RAB11B: variants seen among roughly 807,000 people sequenced by gnomAD.
RAB11B encodes the protein ras-related protein Rab-11B.
Under a neutral mutation model 23.7 loss-of-function variants are expected in RAB11B, and 7 were observed. The ratio of observed to expected loss-of-function variants is 0.29; its 90% CI spans 0.17 to 0.55. The LOEUF is 0.55. Ranked by LOEUF, RAB11B falls within the 20% of genes least tolerant of loss-of-function variation. The pLI is 0.93. For synonymous variants in RAB11B, 138 were observed against 132.0 expected, an observed-to-expected ratio of 1.05 and a Z score of -0.31; for missense variants, 189 against 320.0, an observed-to-expected ratio of 0.59 and a Z score of 3.12.
At chr19:8,397,055 A>G (rs1460493859) in intron 1 of RAB11B, among the ~76,000 whole-genome samples, 2 of 152,198 alleles carry the variant, frequency 1.3e-5, no homozygotes, top group Non-Finnish European at 2.9e-5. Flanking sequence ...AGAGAAAGGA[A>G]GGAGTCGAGA....
rs566019031 is a variant in RAB11B, at chr19:8,403,685, C to T, written c.*127C>T. On this transcript the variant is annotated 3_prime_UTR_variant, in exon 5 of 5. Coordinates refer to ENST00000328024, the MANE Select transcript of RAB11B (RefSeq NM_004218.4). ...GCCCTCCCAGTGAGCTCTGCACGGC[C>T]GGGCCGGGGCCCAGGAAGGACAGGA... 7.8e-4 allele frequency: 1,046 copies of T among 1,334,034 alleles called. 10 individuals are homozygous for T. In the South Asian group the frequency reaches 0.013, roughly 16 times the overall value. 82.6% of individuals were successfully genotyped at this position (1,334,034 alleles called of 1,614,324 possible). A position where few individuals can be genotyped will look rare whatever the true frequency, so the allele number is the denominator to read the frequency against.
intron 4 of RAB11B, 109 bp downstream of exon 4, chr19:8,402,674 G>C (rs200602597): frequency 1.6e-5 from 13 of 789,696 alleles, no homozygotes; most frequent in Non-Finnish European, 1.9e-5. Flanking sequence ...TCTTTTTTTT[G>C]TCGGGGCAGG....
intron 1 of RAB11B, among the ~76,000 whole-genome samples, chr19:8,391,276 G>A (rs985006447): frequency 6.6e-6 from 1 of 152,202 alleles, no homozygotes; most frequent in African/African-American, 2.4e-5. Context: ...GAACCCGATT[G>A]AGCCCAGGCC....
chr19:8,397,905 A>G (rs989744682), intron 1 of RAB11B, among the ~76,000 whole-genome samples: 2 of 152,020 alleles, frequency 1.3e-5, no homozygotes, highest in Admixed American at 6.5e-5. Context: ...ACTCCCTGGG[A>G]CCAGGGATGA....
rs1190502863 is a variant in RAB11B, at chr19:8,403,721, CCCCGTCCTG to C, written c.*168_*176del. 30 of 983,772 alleles carry C rather than the reference CCCCGTCCTG, an allele frequency of 3.0e-5. No individual in the cohort carries two copies. The African/African-American group carries it at 4.6e-4, about 15-fold the overall frequency. 60.9% of individuals were successfully genotyped at this position (983,772 alleles called of 1,614,324 possible). ...CCAGGAAGGACAGGAGCCAGTGCTA[CCCCGTCCTG>C]CCCGGGGAAAAGCTAGAAGCCCCGG... is the stretch of plus-strand genomic sequence containing the variant. On this transcript the variant is annotated 3_prime_UTR_variant, in exon 5 of 5. Transcript: ENST00000328024.
At position 8,403,454 on chromosome 19, in the gene RAB11B, G is replaced by A. The variant is rs202233072; in HGVS notation, c.553G>A (p.Ala185Thr). Residue 185 changes from alanine (A) to threonine (T), a missense_variant, in exon 5 of 5, where the codon GCT becomes ACT. Ala to Thr is a moderately conservative substitution (Grantham distance 58). Transcript: ENST00000328024. ...GTCACAGAAACAGATCGCAGACCGC[G>A]CTGCCCACGACGAGTCCCCGGGGAA... ...IVSQKQIADR[A>T]AHDESPGNNV... 1.0e-4 allele frequency: 164 copies of A among 1,613,834 alleles called. 1 individual carries two copies. In the East Asian group the frequency reaches 2.4e-3, roughly 24 times the overall value.
At chr19:8,397,344 T>C (rs1488449100) in intron 1 of RAB11B, among the ~76,000 whole-genome samples, 1 of 152,046 alleles carries the variant, frequency 6.6e-6, no homozygotes, top group Non-Finnish European at 1.5e-5. Flanking sequence ...GGACTGGGTG[T>C]GGACAGAGAT....
chr19:8,399,323 A>G (rs1200058087), intron 1 of RAB11B, among the ~76,000 whole-genome samples: 2 of 152,158 alleles, frequency 1.3e-5, no homozygotes, highest in African/African-American at 2.4e-5. Context: ...CCCGACCTCA[A>G]GTGATCCGCC....
intron 1 of RAB11B, among the ~76,000 whole-genome samples, chr19:8,398,089 C>T (rs1305470253): frequency 6.6e-6 from 1 of 152,142 alleles, no homozygotes; most frequent in Non-Finnish European, 1.5e-5. Context: ...AGACCCCACC[C>T]CAGAGCCTGG....
rs774349327 is a variant in RAB11B at position 8,403,373 on chromosome 19, G to A, written c.512-40G>A. 25 of 1,582,866 alleles carry A rather than the reference G, an allele frequency of 1.6e-5. No homozygotes were observed. The Admixed American group carries it at 2.0e-4, about 13-fold the overall frequency. Reference sequence around the variant, plus strand: ...GGGTTCCCCTCGGCAGGCAGGGCACGTGCTGGCTCACCCCACGTCCCCCTG... The same window carrying A: ...GGGTTCCCCTCGGCAGGCAGGGCACATGCTGGCTCACCCCACGTCCCCCTG... On this transcript the variant is annotated intron_variant, in intron 4 of 4. Transcript: ENST00000328024.
intron 1 of RAB11B, among the ~76,000 whole-genome samples, chr19:8,397,016 ATGTGC>A (rs1302907099): frequency 6.6e-6 from 1 of 152,124 alleles, no homozygotes; most frequent in Non-Finnish European, 1.5e-5. Flanking sequence ...TCTGTTTCGG[ATGTGC>A]TGAAGGATTG....
In RAB11B at chr19:8,402,211, T is replaced by C. The variant is rs1393502140; in HGVS notation, c.362T>C (p.Leu121Pro). ...GCAGACAGCAACATCGTCATCATGC[T>C]GGTGGGCAACAAGAGTGACCTGCGC... ...DHADSNIVIM[L>P]VGNKSDLRHL... Residue 121 changes from leucine to proline, a missense_variant, in exon 3 of 5, where the codon CTG becomes CCG. Physicochemically the swap from Leu to Pro is moderately conservative, Grantham distance 98 (BLOSUM62 -3). This residue lies in a region of RAB11B where 122 missense variants were observed against 170.8 expected (regional missense o/e 0.71). Transcript: ENST00000328024. 4 of 1,582,594 alleles carry C rather than the reference T, an allele frequency of 2.5e-6. No homozygotes were observed.
In RAB11B at chr19:8,392,816, G is replaced by A. The variant is rs373743725; in HGVS notation, c.40+2360G>A. 2.1e-4 allele frequency among the ~76,000 whole-genome samples: 30 copies of A among 144,256 alleles called. No individual in the cohort carries two copies. In the East Asian group the frequency reaches 4.3e-3, roughly 21 times the overall value. 94.6% of individuals were successfully genotyped at this position (144,256 alleles called of 152,430 possible). A position where few individuals can be genotyped will look rare whatever the true frequency, so the allele number is the denominator to read the frequency against. On this transcript the variant is annotated intron_variant, in intron 1 of 4. Transcript: ENST00000328024. ...AACGATTCTCCTGCCTCAGCCTCCC[G>A]AGTAGCTGGGATTACAAGCACCCAC... is the stretch of plus-strand genomic sequence containing the variant.
chr19:8,400,084 A>T (rs749538164), intron 2 of RAB11B, 26 bp downstream of exon 2: 1 of 1,602,432 alleles, frequency 6.2e-7, no homozygotes, highest in South Asian at 1.1e-5. Flanking sequence ...CTGGGCAGGG[A>T]CGCTGAGATT....
intron 1 of RAB11B, among the ~76,000 whole-genome samples, chr19:8,398,130 A>G (rs1971410590): frequency 6.6e-6 from 1 of 152,054 alleles, no homozygotes; most frequent in Non-Finnish European, 1.5e-5. Flanking sequence ...CAGTGCTTCC[A>G]TGGCTGGGAC....
At chr19:8,400,395 C>T (rs539665106) in intron 2 of RAB11B, 36 of 343,422 alleles carry the variant, frequency 1.0e-4, no homozygotes, top group African/African-American at 5.4e-4. Context: ...TGGTCCCACA[C>T]GCCTCCTGTC....
intron 1 of RAB11B, among the ~76,000 whole-genome samples, chr19:8,393,953 G>C (rs1389806655): frequency 6.6e-6 from 1 of 152,222 alleles, no homozygotes; most frequent in African/African-American, 2.4e-5. Flanking sequence ...CTGGGGTAGG[G>C]GGGTCGCTTC....
At chr19:8,394,534 G>A (rs1291417477) in intron 1 of RAB11B, among the ~76,000 whole-genome samples, 2 of 152,352 alleles carry the variant, frequency 1.3e-5, no homozygotes, top group East Asian at 3.9e-4. Flanking sequence ...GCTGTTCAGG[G>A]AGAATGATAA....
At chr19:8,402,648 CG>C (rs374049834) in intron 4 of RAB11B, 83 bp downstream of exon 4, 1 of 673,198 alleles carries the variant, frequency 1.5e-6, no homozygotes, top group Non-Finnish European at 2.4e-6. Flanking sequence ...TTGTTTTGTT[CG>C]TTTGCTTGTT....
Sources: gnomAD v4.1 joint callset for allele counts (sites outside exome capture counted in the v4.1 genomes callset) on GRCh38, gnomAD v4.1.1 for gene constraint, gnomAD v4.1.1 regional missense constraint, MANE v1.5 for transcripts, NCBI Gene and HGNC (gene_info 2026-07-23, HGNC 2026-07-21) for gene names.